Variants in ARHGEF28 observed in about 807,000 individuals in gnomAD.
The protein encoded by ARHGEF28 is 190 kDa guanine nucleotide exchange factor.
Under a neutral mutation model 206.6 loss-of-function variants are expected in ARHGEF28, and 152 were observed. The observed-to-expected ratio is 0.74, with a 90% CI of 0.64 to 0.84. The LOEUF (loss-of-function observed/expected upper bound fraction) is 0.84, where lower values mean the gene tolerates loss of function less well. ARHGEF28 is among the 40% of genes least tolerant of loss of function. ARHGEF28 has a pLI of 0.00. For missense variants in ARHGEF28, 2,028 were observed against 2,073.2 expected (o/e 0.98, Z 0.42); for synonymous variants, 763 against 776.4 (o/e 0.98, Z 0.29).
At chr5:73,756,687 A>G (rs1007923961) in intron 4 of ARHGEF28, among the ~76,000 whole-genome samples, 1 of 152,196 alleles carries the variant, frequency 6.6e-6, no homozygotes, top group Non-Finnish European at 1.5e-5. Flanking sequence ...GTCTTAACAG[A>G]TGTATTTATC....
chr5:73,763,483 G>T lies in ARHGEF28; in HGVS notation c.475+10281G>T, dbSNP rs577878573. ...AGACTTCCAATGCAGACTTCAAAGGGCCATCTGCGAGGCATGATGAGTCCA... is the reference window on the plus strand; with the variant it reads ...AGACTTCCAATGCAGACTTCAAAGGTCCATCTGCGAGGCATGATGAGTCCA... On this transcript the variant is annotated intron_variant, in intron 4 of 35. Coordinates refer to ENST00000513042, the MANE Select transcript of ARHGEF28 (RefSeq NM_001177693.2). 5.3e-5 allele frequency among the ~76,000 whole-genome samples: 8 copies of T among 152,270 alleles called. No individual in the cohort carries two copies. The South Asian group carries it at 1.7e-3, about 32-fold the overall frequency.
chr5:73,866,392 A>C (rs989009911), intron 18 of ARHGEF28, among the ~76,000 whole-genome samples: 1 of 152,274 alleles, frequency 6.6e-6, no homozygotes, highest in Non-Finnish European at 1.5e-5. Context: ...GCAGTAGCGT[A>C]GTATAGCAAT....
At chr5:73,873,381 T>C (rs1299133767) in intron 22 of ARHGEF28, 135 bp downstream of exon 22, 3 of 1,223,528 alleles carry the variant, frequency 2.5e-6, no homozygotes, top group African/African-American at 3.1e-5. Flanking sequence ...GTGTTTACCA[T>C]CGTTAGATTG....
intron 1 of ARHGEF28, among the ~76,000 whole-genome samples, chr5:73,647,303 C>T (rs1356861570): frequency 6.6e-6 from 1 of 152,002 alleles, no homozygotes; most frequent in Non-Finnish European, 1.5e-5. Flanking sequence ...GGTCCTATCC[C>T]CAAGATATCT....
intron 24 of ARHGEF28, among the ~76,000 whole-genome samples, chr5:73,885,488 T>C (rs1003627518): frequency 6.7e-6 from 1 of 149,042 alleles, no homozygotes. Flanking sequence ...TTTTTTTTTT[T>C]TTCTTCGAGA....
At chr5:73,731,212 CA>C (rs1167475873) in intron 2 of ARHGEF28, among the ~76,000 whole-genome samples, 1 of 151,790 alleles carries the variant, frequency 6.6e-6, no homozygotes. Context: ...ATTATGTGGT[CA>C]AAAGGTTTGG....
chr5:73,807,845 A>G (rs2112512278), intron 9 of ARHGEF28, among the ~76,000 whole-genome samples: 1 of 151,476 alleles, frequency 6.6e-6, no homozygotes, highest in Admixed American at 6.6e-5. Flanking sequence ...TTAATATTTT[A>G]ATATTTATAT....
chr5:73,906,378 A>G (rs536158507), intron 33 of ARHGEF28, among the ~76,000 whole-genome samples: 193 of 152,272 alleles, frequency 1.3e-3, no homozygotes, highest in African/African-American at 4.6e-3. Flanking sequence ...AGCTGAGACT[A>G]TAGGCGTGTG....
intron 9 of ARHGEF28, among the ~76,000 whole-genome samples, chr5:73,801,677 C>T (rs1017665640): frequency 1.3e-5 from 2 of 151,984 alleles, no homozygotes; most frequent in Non-Finnish European, 2.9e-5. Flanking sequence ...GCAGATCTCT[C>T]TCTACACCCC....
Position 73,940,861 on chromosome 5 carries a change from A to G in ARHGEF28, c.4966A>G (p.Thr1656Ala), listed in dbSNP as rs930607224. The G allele has an allele frequency of 3.3e-6, 5 of 1,520,292 alleles. No homozygotes were observed. The highest frequency in any genetic ancestry group is 1.4e-5 in the African/African-American group (1 of 72,268). 94.2% of individuals were successfully genotyped at this position (1,520,292 alleles called of 1,614,324 possible). A position where few individuals can be genotyped will look rare whatever the true frequency, so the allele number is the denominator to read the frequency against. The change falls in exon 36 of 36, where the codon ACT (threonine) becomes GCT (alanine). Residue 1656 changes from threonine (T) to alanine (A), a missense_variant. By Grantham distance (58) the Thr-to-Ala change is moderately conservative. Around this residue, in one of 3 missense-constraint regions of ARHGEF28, gnomAD observed 803 missense variants for 768.0 expected, o/e 1.05. Coordinates refer to ENST00000513042, the MANE Select transcript of ARHGEF28 (RefSeq NM_001177693.2). ...SCKNDLDTSH[T>A]ESPTPHDSNS... The stretch of plus-strand genomic sequence containing the variant: ...TCTTGCAGATTTGGACACCTCCCAC[A>G]CTGAGTCCCCAACCCCCCATGACTC...
intron 1 of ARHGEF28, among the ~76,000 whole-genome samples, chr5:73,677,302 C>T (rs1746765519): frequency 6.6e-6 from 1 of 152,142 alleles, no homozygotes; most frequent in Non-Finnish European, 1.5e-5. Context: ...CAAGGACTTC[C>T]CATATATTCC....
rs780223403 is a variant in ARHGEF28, at chr5:73,773,904, G to T, written c.525G>T (p.Leu175=). 4 of 1,608,996 alleles carry T rather than the reference G, an allele frequency of 2.5e-6. No homozygotes were observed. In the South Asian group the frequency reaches 4.5e-5, roughly 18 times the overall value. The change falls in exon 5 of 36, where the codon CTG becomes CTT. Residue 175 remains leucine, a synonymous_variant. Coordinates refer to ENST00000513042, the MANE Select transcript of ARHGEF28 (RefSeq NM_001177693.2). ...TACACCTGGCTATGAGATGGGGCCTGGCTAAACTTTCCCAGTTCTTCTTGT... is the reference window on the plus strand; with the variant it reads ...TACACCTGGCTATGAGATGGGGCCTTGCTAAACTTTCCCAGTTCTTCTTGT... The part of the protein sequence containing the change: ...SLLHLAMRWG[L]AKLSQFFLCL...
intron 17 of ARHGEF28, among the ~76,000 whole-genome samples, chr5:73,865,598 A>G (rs972277943): frequency 8.5e-5 from 13 of 152,108 alleles, no homozygotes; most frequent in Admixed American, 7.2e-4. Context: ...GTTGTCTCCT[A>G]TAGTCAGGAG....
At chr5:73,805,293 G>A (rs1238856872) in intron 9 of ARHGEF28, among the ~76,000 whole-genome samples, 1 of 152,064 alleles carries the variant, frequency 6.6e-6, no homozygotes, top group Admixed American at 6.6e-5. Context: ...AGAGTGCACC[G>A]AGTAAACCTT....
In ARHGEF28 at chr5:73,893,242, CA is replaced by C; in HGVS notation, c.3614del (p.Lys1205ArgfsTer42). ...GAAGGACAAGTGAATCTGATGAAGA[CA>C]AGAGGAAAGCTGAAGCCAGAGTGGC... ...GGRTSESDED[K>X]RKAEARVAKI... On this transcript the variant is annotated frameshift_variant, in exon 28 of 36. Coordinates refer to ENST00000513042, the MANE Select transcript of ARHGEF28 (RefSeq NM_001177693.2). LOFTEE classifies it high-confidence loss of function. 6.4e-7 allele frequency: 1 copy of C among 1,560,074 alleles called. No homozygotes were observed. The highest frequency in any genetic ancestry group is 8.7e-7 in the Non-Finnish European group (1 of 1,152,302).
intron 1 of ARHGEF28, among the ~76,000 whole-genome samples, chr5:73,628,895 T>C (rs1743180245): frequency 6.6e-6 from 1 of 152,194 alleles, no homozygotes; most frequent in Non-Finnish European, 1.5e-5. Flanking sequence ...TTTTGTCCAG[T>C]CTCTGTGACC....
At chr5:73,938,847 A>T (rs1443554526) in intron 35 of ARHGEF28, among the ~76,000 whole-genome samples, 1 of 151,662 alleles carries the variant, frequency 6.6e-6, no homozygotes, top group African/African-American at 2.4e-5. Flanking sequence ...TTGCCTGGGA[A>T]TATTTTTGTT....
chr5:73,927,527 T>A (rs1230756676), intron 35 of ARHGEF28, among the ~76,000 whole-genome samples: 1 of 152,154 alleles, frequency 6.6e-6, no homozygotes. Context: ...AGTAAAGGAA[T>A]AGAGCAATTT....
chr5:73,845,844 C>T (rs531429433), intron 11 of ARHGEF28, among the ~76,000 whole-genome samples: 11 of 151,686 alleles, frequency 7.3e-5, no homozygotes, highest in East Asian at 3.9e-4. Flanking sequence ...AAAAATTGGC[C>T]GGGCGTGGTG....
Sources: allele counts gnomAD v4.1 joint callset (sites outside exome capture counted in the v4.1 genomes callset), GRCh38; gene constraint gnomAD v4.1.1; regional missense constraint gnomAD v4.1.1; transcripts MANE v1.5; gene names NCBI Gene and HGNC (gene_info 2026-07-23, HGNC 2026-07-21).